The following SUPT3H variants were observed in gnomAD, a reference collection of about 807,000 sequenced individuals.
SUPT3H encodes the protein SPT3 homolog, SAGA and STAGA complex component.
A neutral mutation model predicts 44.3 loss-of-function variants in SUPT3H; 44 were observed. That is an observed-to-expected ratio of 0.99 (90% CI 0.78 to 1.28). SUPT3H has a LOEUF of 1.28. SUPT3H is among the 50% of genes most tolerant of loss of function. SUPT3H has a pLI of 0.00. For synonymous variants in SUPT3H, 124 were observed against 125.6 expected (o/e 0.99, Z 0.09); for missense variants, 380 against 387.1 (o/e 0.98, Z 0.15).
At chr6:45,026,115 T>C (rs941473287) in intron 3 of SUPT3H, among the ~76,000 whole-genome samples, 1 of 152,138 alleles carries the variant, frequency 6.6e-6, no homozygotes, top group Admixed American at 6.5e-5. Context: ...AAATTATTTA[T>C]TTTTCCCTCT....
At chr6:45,037,703 G>T (rs1787895636) in intron 3 of SUPT3H, among the ~76,000 whole-genome samples, 1 of 148,524 alleles carries the variant, frequency 6.7e-6, no homozygotes, top group Admixed American at 6.8e-5. Flanking sequence ...AAAAATGAAA[G>T]AAATATATGA....
chr6:45,131,910 C>CCATG (rs1238440174), intron 2 of SUPT3H, among the ~76,000 whole-genome samples: 3 of 152,116 alleles, frequency 2.0e-5, no homozygotes, highest in African/African-American at 7.2e-5. Context: ...CCCCCACACT[C>CCATG]CATGGATGCC....
At chr6:45,372,942 CA>C (rs1173353211) in intron 1 of SUPT3H, among the ~76,000 whole-genome samples, 1 of 152,022 alleles carries the variant, frequency 6.6e-6, no homozygotes, top group Admixed American at 6.6e-5. Context: ...CTCAGCCTCC[CA>C]AGTAGCAGGT....
Position 44,860,525 on chromosome 6 carries a change from C to T in SUPT3H, c.913-30668G>A, listed in dbSNP as rs114463529. Among the ~76,000 whole-genome samples, 995 of 152,256 alleles carry T rather than the reference C, an allele frequency of 6.5e-3. 12 individuals are homozygous for T. Among genetic ancestry groups the T allele is most frequent in the African/African-American group, 0.023 (939 of 41,548 alleles). ...AAATGTTATTCAACCAGTTAATGGC[C>T]GGACTGGGAGTAGAACCAGGTCTCC... On this transcript the variant is annotated intron_variant, in intron 10 of 10. Coordinates refer to ENST00000371459, the MANE Select transcript of SUPT3H (RefSeq NM_003599.4).
rs1378549112 is a variant in SUPT3H, at chr6:45,202,596, C to T, written c.102-96590G>A. ...AGAAGTTTGCCTAAATAATTGTATC[C>T]ATAAACTTTTCCTAGTCATTAGCGT... On this transcript the variant is annotated intron_variant, in intron 2 of 10. Coordinates refer to ENST00000371459, the MANE Select transcript of SUPT3H (RefSeq NM_003599.4). Among the ~76,000 whole-genome samples the T allele has an allele frequency of 6.6e-5, 10 of 152,018 alleles. No homozygotes were observed. In the East Asian group the frequency reaches 1.7e-3, roughly 26 times the overall value.
At chr6:44,978,361 G>A (rs918870380) in intron 6 of SUPT3H, among the ~76,000 whole-genome samples, 6 of 152,054 alleles carry the variant, frequency 3.9e-5, no homozygotes, top group Admixed American at 3.3e-4. Flanking sequence ...ATTTGTCCAG[G>A]TTAGTAACAT....
chr6:45,081,656 T>TTA (rs1795834038), intron 3 of SUPT3H, among the ~76,000 whole-genome samples: 1 of 152,262 alleles, frequency 6.6e-6, no homozygotes, highest in Admixed American at 6.5e-5. Context: ...ACTCTACGTC[T>TTA]TATATATACA....
chr6:45,136,411 GT>G (rs1273296015), intron 2 of SUPT3H, among the ~76,000 whole-genome samples: 32 of 152,098 alleles, frequency 2.1e-4, no homozygotes, highest in African/African-American at 7.5e-4. Context: ...TTAGTCCAGT[GT>G]TCAAACAAAA....
At chr6:44,905,048 A>T (rs75872630) in intron 10 of SUPT3H, among the ~76,000 whole-genome samples, 3 of 151,848 alleles carry the variant, frequency 2.0e-5, no homozygotes, top group Admixed American at 2.0e-4. Context: ...TAAACGTTAG[A>T]CCTAAAACCA....
chr6:45,260,955 G>A (rs990268297), intron 2 of SUPT3H, among the ~76,000 whole-genome samples: 1 of 152,080 alleles, frequency 6.6e-6, no homozygotes, highest in Non-Finnish European at 1.5e-5. Flanking sequence ...CATCTAAACA[G>A]ATGAAACTGC....
At chr6:44,904,969 G>A (rs1363005499) in intron 10 of SUPT3H, among the ~76,000 whole-genome samples, 3 of 152,204 alleles carry the variant, frequency 2.0e-5, no homozygotes, top group African/African-American at 7.2e-5. Flanking sequence ...CTGGCCATAT[G>A]TAGAAAGCTG....
chr6:45,191,004 T>C (rs1344260649), intron 2 of SUPT3H, among the ~76,000 whole-genome samples: 1 of 152,116 alleles, frequency 6.6e-6, no homozygotes, highest in African/African-American at 2.4e-5. Context: ...AATAATTTGA[T>C]AGTGTCTTAT....
At position 45,221,068 on chromosome 6, in the gene SUPT3H, T is replaced by C. The variant is rs190839044; in HGVS notation, c.102-115062A>G. Among the ~76,000 whole-genome samples the C allele has an allele frequency of 1.6e-3, 239 of 152,308 alleles. 4 individuals carry two copies. The highest frequency in any genetic ancestry group is 1.0e-3 in the South Asian group (5 of 4,826). ...ATAAAAAATGATGAGTTCATGTCCTTTGTAGGGACATGGATAAAGCTGGAA... is the reference window on the plus strand; with the variant it reads ...ATAAAAAATGATGAGTTCATGTCCTCTGTAGGGACATGGATAAAGCTGGAA... On this transcript the variant is annotated intron_variant, in intron 2 of 10. Transcript: ENST00000371459.
intron 2 of SUPT3H, among the ~76,000 whole-genome samples, chr6:45,160,036 T>C (rs1808678206): frequency 6.6e-6 from 1 of 152,086 alleles, no homozygotes; most frequent in African/African-American, 2.4e-5. Flanking sequence ...AAAATAGAAC[T>C]TTAAAATAGT....
chr6:45,297,081 AAAAAAAAAAAG>A (rs1781413615), intron 2 of SUPT3H, among the ~76,000 whole-genome samples: 1 of 151,770 alleles, frequency 6.6e-6, no homozygotes, highest in Admixed American at 6.6e-5. Context: ...TAAATTTAAA[AAAAAAAAAAAG>A]GAAAAAAAAA....
intron 10 of SUPT3H, among the ~76,000 whole-genome samples, chr6:44,863,012 AG>A (rs1774918135): frequency 6.6e-6 from 1 of 152,214 alleles, no homozygotes; most frequent in African/African-American, 2.4e-5. Context: ...TCTGCTTGTT[AG>A]GAAGCAAGAG....
At chr6:44,890,518 C>T (rs1165123924) in intron 10 of SUPT3H, among the ~76,000 whole-genome samples, 1 of 148,148 alleles carries the variant, frequency 6.8e-6, no homozygotes, top group Non-Finnish European at 1.5e-5. Context: ...AACAAAAAAC[C>T]AGACACCGCA....
At chr6:45,027,236 C>A (rs182585180) in intron 3 of SUPT3H, among the ~76,000 whole-genome samples, 3 of 152,110 alleles carry the variant, frequency 2.0e-5, no homozygotes, top group Admixed American at 2.0e-4. Flanking sequence ...AGTAATCTGC[C>A]CACTTTGGTG....
chr6:45,085,407 T>G (rs1158380218), intron 3 of SUPT3H, among the ~76,000 whole-genome samples: 1 of 152,160 alleles, frequency 6.6e-6, no homozygotes, highest in Non-Finnish European at 1.5e-5. Context: ...AAGGGAAAAC[T>G]ACATACTCCA....
Sources: allele counts gnomAD v4.1 joint callset (sites outside exome capture counted in the v4.1 genomes callset), GRCh38; gene constraint gnomAD v4.1.1; transcripts MANE v1.5; gene names NCBI Gene and HGNC (gene_info 2026-07-23, HGNC 2026-07-21).